The following LYPLAL1 variants were observed in gnomAD, a reference collection of about 807,000 sequenced individuals.
The protein encoded by LYPLAL1 is lysophospholipase like 1.
Under a neutral mutation model 19.7 loss-of-function variants are expected in LYPLAL1, and 23 were observed. That is an observed-to-expected ratio of 1.17 (90% confidence interval 0.84 to 1.65). The LOEUF is 1.65. Among genes scored for constraint, LYPLAL1 ranks in the 40% most tolerant of loss-of-function variants. The pLI, the probability that LYPLAL1 is intolerant of heterozygous loss-of-function variation, is 0.00. For missense variants in LYPLAL1, 355 were observed against 279.4 expected (o/e 1.27, Z -1.93); for synonymous variants, 119 against 96.3 (o/e 1.24, Z -1.38).
At chr1:219,215,972 T>C (rs1435904959), downstream of LYPLAL1, among the ~76,000 whole-genome samples, 1 of 152,060 alleles carries the variant, frequency 6.6e-6, no homozygotes, top group Non-Finnish European at 1.5e-5. Context: ...TACCCTTACA[T>C]TTTCCTTTTC....
downstream of LYPLAL1, among the ~76,000 whole-genome samples, chr1:219,215,001 TC>T (rs1428508149): frequency 6.6e-6 from 1 of 152,120 alleles, no homozygotes; most frequent in South Asian, 2.1e-4. Context: ...AGGCAATTTT[TC>T]TTTAAAATGA....
chr1:219,363,393 ATGT>A, the LYPLAL1 span, among the ~76,000 whole-genome samples: 1 of 152,308 alleles, frequency 6.6e-6, no homozygotes, highest in South Asian at 2.1e-4. Context: ...TATTGATTAA[ATGT>A]TGAAATGATA....
At chr1:219,418,809 C>G in the LYPLAL1 span, among the ~76,000 whole-genome samples, 17 of 152,214 alleles carry the variant, frequency 1.1e-4, no homozygotes, top group Non-Finnish European at 1.6e-4. Flanking sequence ...ATTCCTCTCT[C>G]CATCTCCTCT....
the LYPLAL1 span, among the ~76,000 whole-genome samples, chr1:219,407,592 A>G: frequency 3.2e-4 from 48 of 152,294 alleles, no homozygotes; most frequent in African/African-American, 1.1e-3. Context: ...TTTTGTTTTT[A>G]TTTGTGAATA....
At chr1:219,352,110 C>T in the LYPLAL1 span, among the ~76,000 whole-genome samples, 1 of 152,214 alleles carries the variant, frequency 6.6e-6, no homozygotes, top group Non-Finnish European at 1.5e-5. Flanking sequence ...AAGGAAAGAG[C>T]TTAAGGTCTG....
the LYPLAL1 span, among the ~76,000 whole-genome samples, chr1:219,312,512 C>A: frequency 6.6e-6 from 1 of 152,110 alleles, no homozygotes; most frequent in Non-Finnish European, 1.5e-5. Context: ...CTGGGGAAAC[C>A]ACGCCAGGGA....
At chr1:219,266,499 C>T in the LYPLAL1 span, among the ~76,000 whole-genome samples, 2 of 151,954 alleles carry the variant, frequency 1.3e-5, no homozygotes, top group African/African-American at 4.8e-5. Context: ...AGGTTTTTTT[C>T]ACAGTTAACT....
At chr1:219,292,069 A>G in the LYPLAL1 span, among the ~76,000 whole-genome samples, 2 of 152,084 alleles carry the variant, frequency 1.3e-5, no homozygotes, top group Non-Finnish European at 2.9e-5. Flanking sequence ...CACAATAGAA[A>G]TGAACACGTG....
At chr1:219,249,363 C>T in the LYPLAL1 span, among the ~76,000 whole-genome samples, 2 of 152,004 alleles carry the variant, frequency 1.3e-5, no homozygotes, top group African/African-American at 4.8e-5. Flanking sequence ...AAGATTCATT[C>T]ATAATACTGA....
At chr1:219,338,414 A>G in the LYPLAL1 span, among the ~76,000 whole-genome samples, 11 of 152,012 alleles carry the variant, frequency 7.2e-5, no homozygotes, top group African/African-American at 1.4e-4. Context: ...TTTCAGTTAC[A>G]TGTATCAAAA....
chr1:219,351,447 A>G, the LYPLAL1 span, among the ~76,000 whole-genome samples: 1 of 151,952 alleles, frequency 6.6e-6, no homozygotes, highest in African/African-American at 2.4e-5. Context: ...TTACTAACCC[A>G]CTCTCATGAG....
chr1:219,401,839 G>T, the LYPLAL1 span, among the ~76,000 whole-genome samples: 3 of 152,184 alleles, frequency 2.0e-5, no homozygotes, highest in Non-Finnish European at 1.5e-5. Context: ...TAGAACTAGG[G>T]ATGGATATGA....
the LYPLAL1 span, among the ~76,000 whole-genome samples, chr1:219,278,702 C>CAACAAA: frequency 6.6e-6 from 1 of 151,874 alleles, no homozygotes. Context: ...ACAACAACAA[C>CAACAAA]AACAAAACGT....
At chr1:219,254,842 A>G in the LYPLAL1 span, among the ~76,000 whole-genome samples, 1 of 152,042 alleles carries the variant, frequency 6.6e-6, no homozygotes, top group Non-Finnish European at 1.5e-5. Context: ...AGAAGTTTTC[A>G]TAGATGATAT....
the LYPLAL1 span, among the ~76,000 whole-genome samples, chr1:219,393,378 C>G: frequency 6.6e-6 from 1 of 152,144 alleles, no homozygotes; most frequent in African/African-American, 2.4e-5. Flanking sequence ...GTCCTGGGCT[C>G]TGTACCTCAT....
chr1:219,364,773 A>G, the LYPLAL1 span, among the ~76,000 whole-genome samples: 2 of 152,178 alleles, frequency 1.3e-5, no homozygotes. Flanking sequence ...TTGGAATTAC[A>G]TAAAATATAG....
chr1:219,320,210 T>C, the LYPLAL1 span, among the ~76,000 whole-genome samples: 1 of 152,294 alleles, frequency 6.6e-6, no homozygotes, highest in East Asian at 1.9e-4. Context: ...TTTTGCTCTT[T>C]ACCTGCTGGG....
chr1:219,398,057 T>C, the LYPLAL1 span, among the ~76,000 whole-genome samples: 1 of 152,202 alleles, frequency 6.6e-6, no homozygotes, highest in East Asian at 1.9e-4. Flanking sequence ...TGAAGTAGCT[T>C]TGAAGTTCAC....
the LYPLAL1 span, among the ~76,000 whole-genome samples, chr1:219,388,006 A>C: frequency 6.6e-6 from 1 of 152,164 alleles, no homozygotes; most frequent in Non-Finnish European, 1.5e-5. Flanking sequence ...AGCTTTCCCA[A>C]TACCTCTAGG....
Sources: gnomAD v4.1 joint callset for allele counts (sites outside exome capture counted in the v4.1 genomes callset) on GRCh38, gnomAD v4.1.1 for gene constraint, MANE v1.5 for transcripts, NCBI Gene and HGNC (gene_info 2026-07-23, HGNC 2026-07-21) for gene names.